MAP2K5: variants seen among roughly 807,000 people sequenced by gnomAD.
MAP2K5 encodes the protein mitogen-activated protein kinase kinase 5, also known as dual specificity mitogen-activated protein kinase kinase 5.
Under a neutral mutation model 83.1 loss-of-function variants are expected in MAP2K5, and 49 were observed. The ratio of observed to expected loss-of-function variants is 0.59; its 90% CI spans 0.47 to 0.75. The LOEUF is 0.75. Among genes scored for constraint, MAP2K5 ranks in the 30% least tolerant of loss-of-function variants. The probability of loss-of-function intolerance (pLI) is 0.00; values close to 1 mark genes in which losing one functional copy is unlikely to be tolerated. For missense variants in MAP2K5, 457 were observed against 557.5 expected (o/e 0.82, Z 1.82); for synonymous variants, 202 against 191.8 (o/e 1.05, Z -0.44).
At chr15:67,732,266 C>G (rs772492881) in intron 17 of MAP2K5, among the ~76,000 whole-genome samples, 1 of 152,022 alleles carries the variant, frequency 6.6e-6, no homozygotes, top group Non-Finnish European at 1.5e-5. Context: ...TTAATGACAC[C>G]ATAATTTAGG....
intron 8 of MAP2K5, among the ~76,000 whole-genome samples, chr15:67,607,780 A>G (rs2085812574): frequency 6.6e-6 from 1 of 151,732 alleles, no homozygotes; most frequent in Non-Finnish European, 1.5e-5. Flanking sequence ...TATTGCTTGG[A>G]AAAGGGTATC....
intron 13 of MAP2K5, chr15:67,670,323 G>T: frequency 2.3e-6 from 1 of 444,260 alleles, no homozygotes; most frequent in Admixed American, 2.4e-5. Context: ...AGTGGAGGAG[G>T]AGTTGACTGT....
chr15:67,644,650 G>T lies in MAP2K5; in HGVS notation c.586-1581G>T, dbSNP rs950203839. Among the ~76,000 whole-genome samples the T allele has an allele frequency of 2.0e-5, 3 of 151,896 alleles. No individual in the cohort carries two copies. The highest frequency in any genetic ancestry group is 7.2e-5 in the African/African-American group (3 of 41,420). The stretch of plus-strand genomic sequence containing the variant: ...CATGAGACTGAGTCCAGAGGAGGGG[G>T]TCCTACCATTCCCAGGCTCTGTGGC... On this transcript the variant is annotated intron_variant, in intron 9 of 21. Transcript: ENST00000178640. This position sits in a 1 kb window ranked among gnomAD's most constrained non-coding sequence, Gnocchi z 4.6.
chr15:67,655,064 C>CAAA (rs35723223), intron 11 of MAP2K5, among the ~76,000 whole-genome samples: 1 of 120,670 alleles, frequency 8.3e-6, no homozygotes, highest in African/African-American at 3.0e-5. Context: ...GACTCCATCT[C>CAAA]AAAAAAAAAA....
In MAP2K5 at chr15:67,757,379, C is replaced by A. The variant is rs934286297; in HGVS notation, c.1134+8778C>A. On this transcript the variant is annotated intron_variant, in intron 19 of 21. Transcript: ENST00000178640. The surrounding 1 kb of genome is among the most constrained non-coding windows in gnomAD (Gnocchi z 4.9). ...ACACATTTCTAAAAGCCCTTGACCC[C>A]TTTATGTTGCTCAAAAACCCAACCT... Among the ~76,000 whole-genome samples, 6 of 152,184 alleles carry A rather than the reference C, an allele frequency of 3.9e-5. No individual in the cohort carries two copies. Among genetic ancestry groups the A allele is most frequent in the African/African-American group, 1.2e-4 (5 of 41,442 alleles).
intron 8 of MAP2K5, among the ~76,000 whole-genome samples, chr15:67,626,685 G>A (rs2086331808): frequency 6.6e-6 from 1 of 151,918 alleles, no homozygotes; most frequent in African/African-American, 2.4e-5. Flanking sequence ...GATCGCTTGA[G>A]GCTTGGAGTT....
chr15:67,788,779 G>A (rs1019160112), intron 21 of MAP2K5, among the ~76,000 whole-genome samples: 8 of 151,914 alleles, frequency 5.3e-5, no homozygotes, highest in African/African-American at 9.7e-5. Flanking sequence ...TTCGAGACCC[G>A]CCTGGGCAAC....
Position 67,720,950 on chromosome 15 carries a change from G to A in MAP2K5, c.1045-6966G>A, listed in dbSNP as rs900351105. On this transcript the variant is annotated intron_variant, in intron 16 of 21. Transcript: ENST00000178640. This position sits in a 1 kb window ranked among gnomAD's most constrained non-coding sequence, Gnocchi z 5.7. The stretch of plus-strand genomic sequence containing the variant: ...AGACCTCAATGTATCACGCTTTTCA[G>A]CATTCATGGTTAGGCTATAGCAGGC... Among the ~76,000 whole-genome samples, 2 of 152,184 alleles carry A rather than the reference G, an allele frequency of 1.3e-5. No individual in the cohort carries two copies. The highest frequency in any genetic ancestry group is 6.5e-5 in the Admixed American group (1 of 15,268).
chr15:67,580,951 A>G (rs1596591940), intron 4 of MAP2K5, 128 bp downstream of exon 4: 1 of 663,378 alleles, frequency 1.5e-6, no homozygotes, highest in African/African-American at 1.8e-5. Flanking sequence ...CAAAAGAAGT[A>G]TTCATTATCG....
intron 13 of MAP2K5, among the ~76,000 whole-genome samples, chr15:67,688,340 GT>G (rs926421603): frequency 6.6e-6 from 1 of 152,216 alleles, no homozygotes; most frequent in Non-Finnish European, 1.5e-5. Flanking sequence ...TCTGACTTAG[GT>G]TTTAAAGGGA....
At chr15:67,575,919 T>TCTTTCTTTC (rs56283748) in intron 3 of MAP2K5, among the ~76,000 whole-genome samples, 2 of 74,012 alleles carry the variant, frequency 2.7e-5, no homozygotes, top group African/African-American at 1.3e-4. Context: ...TTTCTTTCTT[T>TCTTTCTTTC]TTTTTTTTTT....
intron 8 of MAP2K5, among the ~76,000 whole-genome samples, chr15:67,622,144 C>CAAAAA (rs11289969): frequency 6.6e-5 from 6 of 90,652 alleles, no homozygotes; most frequent in African/African-American, 8.2e-5. Context: ...GGCTCCATCT[C>CAAAAA]AAAAAAAAAA....
chr15:67,614,665 AC>A (rs1484476656), intron 8 of MAP2K5, among the ~76,000 whole-genome samples: 1 of 152,042 alleles, frequency 6.6e-6, no homozygotes, highest in Non-Finnish European at 1.5e-5. Context: ...AAAAGACATT[AC>A]TCTAGTTGAT....
At position 67,786,779 on chromosome 15, in the gene MAP2K5, G is replaced by A. The variant is rs567656763; in HGVS notation, c.1242+14027G>A. On this transcript the variant is annotated intron_variant, in intron 21 of 21. Transcript: ENST00000178640. The surrounding 1 kb of genome is among the most constrained non-coding windows in gnomAD (Gnocchi z 4.7). ...ATCTACAAAAATAGAGTATCGCAAA[G>A]CATGAAATTTAAGTGAGATAAAAAT... Among the ~76,000 whole-genome samples, 1 of 152,336 alleles carries A rather than the reference G, an allele frequency of 6.6e-6. No individual in the cohort carries two copies. Among genetic ancestry groups the A allele is most frequent in the East Asian group, 1.9e-4 (1 of 5,188 alleles).
chr15:67,663,797 C>G (rs945057423), intron 12 of MAP2K5, among the ~76,000 whole-genome samples: 2 of 152,112 alleles, frequency 1.3e-5, no homozygotes, highest in African/African-American at 4.8e-5. Flanking sequence ...ATTGTTTGAT[C>G]CCAGGAATTT....
chr15:67,607,000 C>T (rs1025533073), intron 8 of MAP2K5, among the ~76,000 whole-genome samples: 11 of 152,144 alleles, frequency 7.2e-5, no homozygotes, highest in African/African-American at 2.4e-4. Context: ...GACCCAGCTT[C>T]GCTTGTGGCT....
intron 4 of MAP2K5, among the ~76,000 whole-genome samples, chr15:67,583,604 A>G (rs758994836): frequency 1.3e-4 from 20 of 152,216 alleles, no homozygotes; most frequent in Non-Finnish European, 2.8e-4. Flanking sequence ...CATAATCGAC[A>G]TGTAGACATA....
At chr15:67,617,018 A>G (rs1001360386) in intron 8 of MAP2K5, among the ~76,000 whole-genome samples, 4 of 152,228 alleles carry the variant, frequency 2.6e-5, no homozygotes, top group Non-Finnish European at 5.9e-5. Context: ...TGTCCTTCAT[A>G]GAACAGTGGC....
At chr15:67,763,411 C>T (rs1235375358) in intron 19 of MAP2K5, among the ~76,000 whole-genome samples, 1 of 152,202 alleles carries the variant, frequency 6.6e-6, no homozygotes, top group African/African-American at 2.4e-5. Context: ...AGCACCTATT[C>T]ATCTCTTTCC....
Sources: allele counts gnomAD v4.1 joint callset (sites outside exome capture counted in the v4.1 genomes callset), GRCh38; gene constraint gnomAD v4.1.1; non-coding constraint Gnocchi (gnomAD v3.1); transcripts MANE v1.5; gene names NCBI Gene and HGNC (gene_info 2026-07-23, HGNC 2026-07-21).